The following MAST3 variants were observed in gnomAD, a reference collection of about 807,000 sequenced individuals.
MAST3 encodes the protein microtubule associated serine/threonine kinase 3.
A neutral mutation model predicts 127.0 loss-of-function variants in MAST3; 43 were observed. That is an observed-to-expected ratio of 0.34 (90% CI 0.27 to 0.44). The LOEUF is 0.44. MAST3 is among the 20% of genes least tolerant of loss of function. The probability of loss-of-function intolerance (pLI) is 1.00; values close to 1 mark genes in which losing one functional copy is unlikely to be tolerated. For missense variants in MAST3, 1,390 were observed against 1,919.1 expected, an observed-to-expected ratio of 0.72 and a Z score of 5.15; for synonymous variants, 785 against 809.2, an observed-to-expected ratio of 0.97 and a Z score of 0.51.
Position 18,110,049 on chromosome 19 carries a change from G to A in MAST3, c.72-603G>A, listed in dbSNP as rs2038406530. The A allele has an allele frequency of 1.7e-5, 17 of 985,242 alleles. No homozygotes were observed. The highest frequency in any genetic ancestry group is 1.9e-5 in the Non-Finnish European group (16 of 829,900). The allele number at this position is 985,242 out of a possible 1,614,324, so 61.0% of individuals were successfully genotyped here. On this transcript the variant is annotated intron_variant, in intron 2 of 27. Transcript: ENST00000687212. This position sits in a 1 kb window ranked among gnomAD's most constrained non-coding sequence, Gnocchi z 4.3. ...GCCTCGGCGTCCCTGCGGCAGACAG[G>A]GCGGCACCCGCGGCTCCCCTTTCCC...
At chr19:18,140,856 C>A (rs141736413) in intron 20 of MAST3, among the ~76,000 whole-genome samples, 129 of 152,128 alleles carry the variant, frequency 8.5e-4, no homozygotes, top group African/African-American at 3.0e-3. Context: ...TGCAATAGTG[C>A]AATCTCAGCT....
At chr19:18,111,186 A>C (rs1343324943) in intron 3 of MAST3, among the ~76,000 whole-genome samples, 1 of 152,058 alleles carries the variant, frequency 6.6e-6, no homozygotes, top group Admixed American at 6.6e-5. Context: ...GAAAAGAACC[A>C]GGGTGACTGA....
chr19:18,117,401 G>A (rs1378795299), intron 3 of MAST3, among the ~76,000 whole-genome samples: 2 of 152,154 alleles, frequency 1.3e-5, no homozygotes, highest in Non-Finnish European at 2.9e-5. Context: ...CTGAGGCAGG[G>A]CTGATGGCCT....
chr19:18,118,152 C>T, intron 3 of MAST3: 1 of 985,304 alleles, frequency 1.0e-6, no homozygotes, highest in Non-Finnish European at 1.2e-6. Context: ...TGCGGCGGCA[C>T]AAAGGGAAGC....
In MAST3 at chr19:18,146,906, C is replaced by G. The variant is rs1344412533; in HGVS notation, c.3188C>G (p.Thr1063Ser). 1 of 1,556,836 alleles carries G rather than the reference C, an allele frequency of 6.4e-7. No individual in the cohort carries two copies. The highest frequency in any genetic ancestry group is 8.7e-7 in the Non-Finnish European group (1 of 1,150,040). ...LKSGNKISLR[T>S]TALENTSIKV... ...AGCGGCAACAAGATATCCCTGCGGACCACAGCCCTGGAGAACACCTCCATC... is the reference window on the plus strand; with the variant it reads ...AGCGGCAACAAGATATCCCTGCGGAGCACAGCCCTGGAGAACACCTCCATC... The change falls in exon 26 of 28, where the codon ACC becomes AGC. Residue 1063 changes from threonine to serine, a missense_variant. Physicochemically the swap from Thr to Ser is moderately conservative, Grantham distance 58. Transcript: ENST00000687212.
At chr19:18,126,126 G>T (rs1375964253) in intron 11 of MAST3, among the ~76,000 whole-genome samples, 1 of 152,130 alleles carries the variant, frequency 6.6e-6, no homozygotes, top group Non-Finnish European at 1.5e-5. Context: ...GGAGGCTAAG[G>T]TGGGAAGATC....
intron 15 of MAST3, among the ~76,000 whole-genome samples, chr19:18,134,260 A>G (rs1463988397): frequency 2.0e-5 from 3 of 152,140 alleles, no homozygotes; most frequent in Admixed American, 6.6e-5. Context: ...ATATACGCAC[A>G]CACAGTAGAG....
At chr19:18,137,798 G>A (rs1445002231) in intron 19 of MAST3, among the ~76,000 whole-genome samples, 1 of 152,156 alleles carries the variant, frequency 6.6e-6, no homozygotes, top group African/African-American at 2.4e-5. Context: ...CCCCACTTGG[G>A]GTTCCTGCCC....
intron 25 of MAST3, 137 bp from the exon 26 acceptor site, chr19:18,146,744 A>G: frequency 1.3e-6 from 1 of 750,976 alleles, no homozygotes; most frequent in Admixed American, 2.9e-5. Context: ...TGGGTAGGTC[A>G]CTGGTTGTGT....
rs1311291629 is a variant in MAST3, at chr19:18,112,718, G to A, written c.161+1977G>A. On this transcript the variant is annotated intron_variant, in intron 3 of 27. Coordinates refer to ENST00000687212, the MANE Select transcript of MAST3 (RefSeq NM_001393504.1). The surrounding 1 kb of genome is among the most constrained non-coding windows in gnomAD (Gnocchi z 4.1). ...ACTCCTGACCTCAGGTGATCCACCCGCCTTGGCTTCCCAAAGTGCTAGGAT... is the reference window on the plus strand; with the variant it reads ...ACTCCTGACCTCAGGTGATCCACCCACCTTGGCTTCCCAAAGTGCTAGGAT... 4.6e-5 allele frequency among the ~76,000 whole-genome samples: 7 copies of A among 152,066 alleles called. No individual in the cohort carries two copies. The highest frequency in any genetic ancestry group is 1.9e-4 in the East Asian group (1 of 5,188).
rs2038523715 is a variant in MAST3 at position 18,110,850 on chromosome 19, T to A, written c.161+109T>A. The A allele has an allele frequency of 8.0e-6, 3 of 374,358 alleles. No homozygotes were observed. Among genetic ancestry groups the A allele is most frequent in the Non-Finnish European group, 1.1e-5 (3 of 271,076 alleles). The allele number at this position is 374,358 out of a possible 1,614,324, so 23.2% of individuals were successfully genotyped here. ...CTCAAGATACTGCAGGTTGGTGACA[T>A]CACCTCTCTGGGCCTCAGTTTACCC... On this transcript the variant is annotated intron_variant, in intron 3 of 27. Transcript: ENST00000687212. This position sits in a 1 kb window ranked among gnomAD's most constrained non-coding sequence, Gnocchi z 4.3.
At chr19:18,139,221 T>C in intron 20 of MAST3, 97 bp downstream of exon 20, 1 of 943,770 alleles carries the variant, frequency 1.1e-6, no homozygotes, top group Non-Finnish European at 1.6e-6. Context: ...TGTTTTGTTC[T>C]GTAGAGATGA....
intron 1 of MAST3, among the ~76,000 whole-genome samples, chr19:18,107,364 G>A (rs1214253089): frequency 6.6e-6 from 1 of 152,172 alleles, no homozygotes; most frequent in Non-Finnish European, 1.5e-5. Flanking sequence ...CAGATCTGGA[G>A]TATGAGCTGC....
chr19:18,107,691 C>T, intron 2 of MAST3, 73 bp downstream of exon 2: 1 of 1,407,048 alleles, frequency 7.1e-7, no homozygotes, highest in Non-Finnish European at 9.9e-7. Context: ...GCAACAGCCA[C>T]TGAATTGTGA....
At chr19:18,114,966 A>G (rs903800391) in intron 3 of MAST3, among the ~76,000 whole-genome samples, 7 of 152,122 alleles carry the variant, frequency 4.6e-5, no homozygotes, top group African/African-American at 1.4e-4. Context: ...GGGTGTCTGT[A>G]TATCTACCTG....
At chr19:18,106,336 C>G (rs2038066677) in intron 1 of MAST3, among the ~76,000 whole-genome samples, 1 of 152,144 alleles carries the variant, frequency 6.6e-6, no homozygotes, top group African/African-American at 2.4e-5. Context: ...ACTGCAAGCT[C>G]TGCCTCCCAG....
chr19:18,146,400 G>A (rs923186131), intron 25 of MAST3, among the ~76,000 whole-genome samples: 1 of 152,164 alleles, frequency 6.6e-6, no homozygotes, highest in Admixed American at 6.5e-5. Flanking sequence ...AGCTGTGATC[G>A]TGCCATACTG....
chr19:18,109,626 G>A (rs1401771564), intron 2 of MAST3, among the ~76,000 whole-genome samples: 1 of 152,222 alleles, frequency 6.6e-6, no homozygotes, highest in Admixed American at 6.5e-5. Flanking sequence ...CAGAGCTGGC[G>A]GCGCCTGGTG....
chr19:18,131,879 G>A (rs775701556), intron 14 of MAST3, 30 bp from the exon 15 acceptor site: 9 of 1,547,646 alleles, frequency 5.8e-6, no homozygotes, highest in Middle Eastern at 3.9e-4. Context: ...GGTGCCCCGG[G>A]CCTCATGACT....
Sources: allele counts gnomAD v4.1 joint callset (sites outside exome capture counted in the v4.1 genomes callset), GRCh38; gene constraint gnomAD v4.1.1; non-coding constraint Gnocchi (gnomAD v3.1); transcripts MANE v1.5; gene names NCBI Gene and HGNC (gene_info 2026-07-23, HGNC 2026-07-21).